TKTL1: variants seen among roughly 807,000 people sequenced by gnomAD.
The protein encoded by TKTL1 is transketolase-like protein 1.
In TKTL1, 1 loss-of-function variant was observed where a neutral mutation model predicts 39.3. The ratio of observed to expected loss-of-function variants is 0.03; its 90% CI spans 0.01 to 0.12. The LOEUF is 0.12. TKTL1 is among the 10% of genes least tolerant of loss of function. The pLI is 1.00. For synonymous variants in TKTL1, 262 were observed against 193.8 expected, an observed-to-expected ratio of 1.35 and a Z score of -2.92; for missense variants, 575 against 509.6, an observed-to-expected ratio of 1.13 and a Z score of -1.24.
intron 1 of TKTL1, among the ~76,000 whole-genome samples, chrX:154,304,456 G>T (rs1276368685): frequency 9.1e-6 from 1 of 109,923 alleles, no homozygotes; most frequent in Non-Finnish European, 1.9e-5. Flanking sequence ...ATCAGGCTGG[G>T]TGCGTGGCTC....
chrX:154,327,994 TG>T, intron 12 of TKTL1, 36 bp downstream of exon 12: 1 of 1,207,336 alleles, frequency 8.3e-7, no homozygotes, highest in Non-Finnish European at 1.1e-6. Context: ...TGGAAGGTTT[TG>T]GTGTTTTTGT....
intron 10 of TKTL1, among the ~76,000 whole-genome samples, chrX:154,326,086 T>C (rs1438067753): frequency 8.9e-6 from 1 of 112,360 alleles, no homozygotes; most frequent in Non-Finnish European, 1.9e-5. Context: ...GGGAACATGA[T>C]CTCTGGTATT....
In TKTL1 at chrX:154,298,810, G is replaced by T. The variant is rs782751008; in HGVS notation, c.134+2817G>T. Among the ~76,000 whole-genome samples the T allele has an allele frequency of 3.6e-5, 4 of 110,743 alleles. No individual in the cohort carries two copies. The East Asian group carries it at 1.1e-3, about 31-fold the overall frequency. On this transcript the variant is annotated intron_variant, in intron 1 of 12. Coordinates refer to ENST00000369915, the MANE Select transcript of TKTL1 (RefSeq NM_012253.4). Reference sequence around the variant, plus strand: ...TGCTAGCTTTGGGTTTAGTCCTTACGTTGTAAAGTTAGGTTGTTGATTTGA... The same window carrying T: ...TGCTAGCTTTGGGTTTAGTCCTTACTTTGTAAAGTTAGGTTGTTGATTTGA...
At chrX:154,307,531 A>C (rs1227391818) in intron 2 of TKTL1, among the ~76,000 whole-genome samples, 2 of 112,697 alleles carry the variant, frequency 1.8e-5, no homozygotes, top group Non-Finnish European at 3.8e-5. Flanking sequence ...GACAGCACCC[A>C]TGTGGGAGCA....
intron 7 of TKTL1, among the ~76,000 whole-genome samples, chrX:154,319,376 C>A (rs1280912821): frequency 3.6e-5 from 4 of 112,142 alleles, no homozygotes; most frequent in Admixed American, 2.8e-4. Flanking sequence ...CAGGATGATC[C>A]CCCTGTAAGA....
At chrX:154,322,020 C>T (rs781895944) in intron 8 of TKTL1, among the ~76,000 whole-genome samples, 7 of 110,107 alleles carry the variant, frequency 6.4e-5, no homozygotes, top group South Asian at 3.9e-4. Flanking sequence ...GAAGGCTGGG[C>T]GCAGTGGCTC....
intron 9 of TKTL1, among the ~76,000 whole-genome samples, chrX:154,324,699 C>A (rs1340305211): frequency 9.0e-6 from 1 of 111,524 alleles, no homozygotes; most frequent in Non-Finnish European, 1.9e-5. Flanking sequence ...AGGATGTATG[C>A]ATTTCACTGC....
intron 9 of TKTL1, 42 bp from the exon 10 acceptor site, chrX:154,325,293 AATTC>A (rs782255720): frequency 8.9e-7 from 1 of 1,128,043 alleles, no homozygotes; most frequent in Non-Finnish European, 1.2e-6. Flanking sequence ...TGTTGTTGGA[AATTC>A]ATTGTTTGCT....
intron 2 of TKTL1, among the ~76,000 whole-genome samples, chrX:154,306,797 C>T (rs1194796694): frequency 6.4e-5 from 7 of 109,474 alleles, no homozygotes; most frequent in Admixed American, 9.8e-5. Flanking sequence ...CCACTACGAC[C>T]GGCTAATTTT....
chrX:154,320,989 C>A, intron 8 of TKTL1, 76 bp downstream of exon 8: 1 of 1,042,977 alleles, frequency 9.6e-7, no homozygotes, highest in Non-Finnish European at 1.3e-6. Context: ...TTGGTTAAAC[C>A]ACGAATTTCC....
At chrX:154,326,258 C>G (rs1323351405) in intron 10 of TKTL1, among the ~76,000 whole-genome samples, 1 of 111,836 alleles carries the variant, frequency 8.9e-6, no homozygotes, top group East Asian at 2.8e-4. Context: ...ACCACGCTGA[C>G]CATCCCCTGC....
At chrX:154,305,150 C>CG (rs1362759807) in intron 1 of TKTL1, 154 bp from the exon 2 acceptor site, 1 of 1,174,460 alleles carries the variant, frequency 8.5e-7, no homozygotes, top group African/African-American at 1.8e-5. Flanking sequence ...TTTAAAGCGC[C>CG]CTTCCAACCT....
At chrX:154,321,060 T>TA (rs1439833477) in intron 8 of TKTL1, 147 bp downstream of exon 8, 3 of 685,253 alleles carry the variant, frequency 4.4e-6, no homozygotes, top group Non-Finnish European at 6.5e-6. Context: ...TATTGTACTT[T>TA]AAAAGTGTCA....
chrX:154,296,911 G>C (rs2067234023), intron 1 of TKTL1, among the ~76,000 whole-genome samples: 1 of 111,943 alleles, frequency 8.9e-6, no homozygotes, highest in Non-Finnish European at 1.9e-5. Context: ...AGCTACGCGG[G>C]AGGCTGAGAG....
rs781874134 is a variant in TKTL1, at chrX:154,312,618, C to T, written c.709C>T (p.Pro237Ser). The T allele has an allele frequency of 1.7e-6, 2 of 1,209,813 alleles. No homozygotes were observed. The highest frequency in any genetic ancestry group is 2.2e-6 in the Non-Finnish European group (2 of 894,634). Residue 237 changes from proline to serine, a missense_variant, in exon 6 of 13, where the codon CCG (proline) becomes TCG (serine). Pro to Ser is a moderately conservative substitution (Grantham distance 74). Transcript: ENST00000369915. ...DAESWHAKPMPRERADAIIKL... is the reference protein window; with the variant it reads ...DAESWHAKPMSRERADAIIKL... ...AGAAAGTTGGCATGCAAAGCCAATG[C>T]CGAGAGAAAGAGCAGATGCCATTAT...
intron 10 of TKTL1, chrX:154,327,151 C>T (rs1225296689): frequency 4.0e-6 from 1 of 246,929 alleles, no homozygotes; most frequent in Non-Finnish European, 7.6e-6. Flanking sequence ...CTGCCCTGGG[C>T]CACTTCCTCC....
rs370025375 is a variant in TKTL1, at chrX:154,325,410, C to G, written c.1389C>G (p.Ile463Met). The G allele has an allele frequency of 1.7e-6, 2 of 1,210,375 alleles. No homozygotes were observed. Among genetic ancestry groups the G allele is most frequent in the South Asian group, 1.8e-5 (1 of 56,969 alleles). ...VIYTPQERFE[I>M]GQAKVLRHCV... ...ACACCCCACAAGAACGCTTTGAGATCGGACAGGCCAAGGTAAGGGCTTACG... is the reference window on the plus strand; with the variant it reads ...ACACCCCACAAGAACGCTTTGAGATGGGACAGGCCAAGGTAAGGGCTTACG... The change falls in exon 10 of 13, where the codon ATC becomes ATG. Residue 463 changes from isoleucine to methionine, a missense_variant. Transcript: ENST00000369915.
intron 8 of TKTL1, among the ~76,000 whole-genome samples, chrX:154,321,627 C>T (rs1410940608): frequency 1.9e-5 from 2 of 107,996 alleles, no homozygotes; most frequent in East Asian, 5.8e-4. Flanking sequence ...ACTTGGGAAA[C>T]GTCAGAGAGT....
intron 7 of TKTL1, chrX:154,320,408 A>G: frequency 4.0e-6 from 1 of 251,302 alleles, no homozygotes; most frequent in East Asian, 6.8e-5. Flanking sequence ...AAGTAGCACA[A>G]GAGGGGAGGA....
Sources: allele counts gnomAD v4.1 joint callset (sites outside exome capture counted in the v4.1 genomes callset), GRCh38; gene constraint gnomAD v4.1.1; transcripts MANE v1.5; gene names NCBI Gene and HGNC (gene_info 2026-07-23, HGNC 2026-07-21).